The following ZNF563 variants were observed in gnomAD, a reference collection of about 807,000 sequenced individuals.
ZNF563 encodes zinc finger protein 563.
A neutral mutation model predicts 48.5 loss-of-function variants in ZNF563; 39 were observed. The ratio of observed to expected loss-of-function variants is 0.80; its 90% CI spans 0.62 to 1.05. The LOEUF is 1.05. Ranked by LOEUF, ZNF563 falls within the 50% of genes least tolerant of loss-of-function variation. The probability of loss-of-function intolerance (pLI) is 0.00; values close to 1 mark genes in which losing one functional copy is unlikely to be tolerated. For missense variants in ZNF563, 538 were observed against 597.0 expected (o/e 0.90, Z 1.03); for synonymous variants, 168 against 187.9 (o/e 0.89, Z 0.87).
chr19:12,339,245 T>G, the ZNF563 span, among the ~76,000 whole-genome samples: 1 of 151,462 alleles, frequency 6.6e-6, no homozygotes, highest in Non-Finnish European at 1.5e-5. Context: ...TCCTTGTGGC[T>G]CTTGTCTGAC....
At chr19:12,332,388 C>T (rs574683905) in intron 1 of ZNF563, among the ~76,000 whole-genome samples, 3 of 139,150 alleles carry the variant, frequency 2.2e-5, no homozygotes, top group Admixed American at 2.1e-4. Context: ...TCTCTGTCGC[C>T]GGCCCAGACT....
chr19:12,345,023 T>G, the ZNF563 span, among the ~76,000 whole-genome samples: 1 of 152,010 alleles, frequency 6.6e-6, no homozygotes, highest in Non-Finnish European at 1.5e-5. Flanking sequence ...TAAAAATAAA[T>G]GAAACCAAGA....
the ZNF563 span, among the ~76,000 whole-genome samples, chr19:12,340,755 C>T: frequency 4.0e-5 from 6 of 151,358 alleles, no homozygotes; most frequent in African/African-American, 1.2e-4. Context: ...CCAGTCTGGG[C>T]GACAGAGTAA....
upstream of ZNF563, among the ~76,000 whole-genome samples, chr19:12,334,265 A>G (rs898795744): frequency 7.2e-5 from 11 of 152,144 alleles, no homozygotes; most frequent in African/African-American, 2.7e-4. Context: ...CAATAAATGA[A>G]TGAATGAATC....
chr19:12,345,044 G>T, the ZNF563 span, among the ~76,000 whole-genome samples: 1 of 152,174 alleles, frequency 6.6e-6, no homozygotes, highest in African/African-American at 2.4e-5. Flanking sequence ...AATCAGTGAT[G>T]TGTACATTGA....
chr19:12,335,260 C>T (rs1170774050), upstream of ZNF563, among the ~76,000 whole-genome samples: 2 of 152,182 alleles, frequency 1.3e-5, no homozygotes, highest in African/African-American at 2.4e-5. Flanking sequence ...CTCTTCTATC[C>T]AAGGCTAGCC....
At position 12,318,744 on chromosome 19, in the gene ZNF563, C is replaced by T; in HGVS notation, c.1281G>A (p.Gly427=). Residue 427 remains glycine (G), a synonymous_variant, in exon 4 of 4, where the codon GGG becomes GGA. Transcript: ENST00000293725. ...GEKPYECKQC[G]KALSHSSSFR... ...AGCTTGAGCTATGAGATAACGCTTT[C>T]CCACACTGCTTGCATTCATAGGGTT... The T allele has an allele frequency of 6.2e-7, 1 of 1,614,206 alleles. No individual in the cohort carries two copies.
chr19:12,343,725 C>CTTTTT, the ZNF563 span, among the ~76,000 whole-genome samples: 32 of 110,836 alleles, frequency 2.9e-4, no homozygotes, highest in South Asian at 6.6e-4. Flanking sequence ...AGCATAAATT[C>CTTTTT]TTTTTTTTTT....
upstream of ZNF563, among the ~76,000 whole-genome samples, chr19:12,336,424 CTACTAAAAA>C (rs747459293): frequency 3.4e-4 from 51 of 151,902 alleles, 1 homozygote; most frequent in Non-Finnish European, 8.8e-5. Context: ...AACCCCGTCT[CTACTAAAAA>C]TACTAAAAAT....
At chr19:12,330,159 A>T (rs903973299) in intron 1 of ZNF563, among the ~76,000 whole-genome samples, 41 of 152,064 alleles carry the variant, frequency 2.7e-4, no homozygotes, top group Admixed American at 2.2e-3. Flanking sequence ...ACCTCAGATG[A>T]TCCATACACC....
chr19:12,325,755 C>A (rs1032432867), intron 1 of ZNF563, among the ~76,000 whole-genome samples: 21 of 152,292 alleles, frequency 1.4e-4, no homozygotes, highest in African/African-American at 5.1e-4. Context: ...CCACAAGAGC[C>A]ATCCACAAAG....
intron 3 of ZNF563, 147 bp from the exon 4 acceptor site, chr19:12,319,980 G>A (rs1968566063): frequency 8.3e-6 from 6 of 719,366 alleles, no homozygotes; most frequent in Admixed American, 3.1e-5. Flanking sequence ...GCAGCGGCAC[G>A]ATCTCGGCTC....
chr19:12,338,085 G>C (rs1469058710), upstream of ZNF563, among the ~76,000 whole-genome samples: 1 of 152,092 alleles, frequency 6.6e-6, no homozygotes, highest in East Asian at 1.9e-4. Context: ...TTTGGCAACA[G>C]AGTGAGACAC....
the ZNF563 span, among the ~76,000 whole-genome samples, chr19:12,343,898 T>G: frequency 0.012 from 1,858 of 151,684 alleles, 38 homozygotes; most frequent in African/African-American, 0.042. Flanking sequence ...GCCCGGCTAA[T>G]TTTTTGTATT....
the ZNF563 span, among the ~76,000 whole-genome samples, chr19:12,339,136 T>C: frequency 6.3e-4 from 96 of 152,266 alleles, no homozygotes; most frequent in Non-Finnish European, 5.0e-4. Context: ...CAGTGTGCTT[T>C]CCACAGGACA....
At chr19:12,346,563 G>A in the ZNF563 span, 1 of 152,158 alleles carries the variant, frequency 6.6e-6, no homozygotes, top group Non-Finnish European at 1.5e-5. Context: ...CAATTATTCT[G>A]TGAACCAGCA....
chr19:12,346,882 G>C, the ZNF563 span: 2 of 152,162 alleles, frequency 1.3e-5, no homozygotes, highest in Admixed American at 6.5e-5. Flanking sequence ...CTCTCTCTAT[G>C]AATAGTCAAA....
At chr19:12,320,846 A>T (rs1357978657) in intron 3 of ZNF563, among the ~76,000 whole-genome samples, 2 of 152,148 alleles carry the variant, frequency 1.3e-5, no homozygotes, top group Non-Finnish European at 2.9e-5. Context: ...TTTTTTAAGA[A>T]TAAATAAATT....
At chr19:12,333,262 AG>A (rs1968966684) in intron 1 of ZNF563, among the ~76,000 whole-genome samples, 1 of 152,164 alleles carries the variant, frequency 6.6e-6, no homozygotes, top group Non-Finnish European at 1.5e-5. Context: ...CCGGGACCGC[AG>A]TTGCCGCGCA....
Sources: allele counts gnomAD v4.1 joint callset (sites outside exome capture counted in the v4.1 genomes callset), GRCh38; gene constraint gnomAD v4.1.1; transcripts MANE v1.5; gene names NCBI Gene and HGNC (gene_info 2026-07-23, HGNC 2026-07-21).